ARMC3: variants seen among roughly 807,000 people sequenced by gnomAD.
ARMC3 encodes armadillo repeat-containing protein 3.
ARMC3 carries 74 observed loss-of-function variants against 90.3 expected under a neutral mutation model. The observed-to-expected ratio is 0.82, with a 90% CI of 0.68 to 0.99. The LOEUF is 0.99. Ranked by LOEUF, ARMC3 falls within the 50% of genes least tolerant of loss-of-function variation. The probability of loss-of-function intolerance (pLI) is 0.00; values close to 1 mark genes in which losing one functional copy is unlikely to be tolerated. For missense variants in ARMC3, 958 were observed against 1,042.8 expected (o/e 0.92, Z 1.12); for synonymous variants, 334 against 361.8 (o/e 0.92, Z 0.87).
chr10:22,931,221 C>T (rs1450743130), intron 1 of ARMC3, among the ~76,000 whole-genome samples: 2 of 152,212 alleles, frequency 1.3e-5, no homozygotes, highest in African/African-American at 2.4e-5. Context: ...GCCACCTGCC[C>T]GGCCTGAAAA....
intron 8 of ARMC3, among the ~76,000 whole-genome samples, chr10:22,980,891 TCTC>T (rs1461003847): frequency 1.3e-5 from 2 of 152,224 alleles, no homozygotes. Flanking sequence ...CCTCTGCTCT[TCTC>T]CTGAAGGTCG....
At chr10:23,021,121 C>T (rs542499226) in intron 16 of ARMC3, among the ~76,000 whole-genome samples, 73 of 152,294 alleles carry the variant, frequency 4.8e-4, no homozygotes, top group African/African-American at 1.6e-3. Context: ...GCTGCATCCA[C>T]GCTGCTGGAA....
At chr10:23,010,977 C>T (rs1033701919) in intron 16 of ARMC3, among the ~76,000 whole-genome samples, 69 of 93,642 alleles carry the variant, frequency 7.4e-4, no homozygotes, top group Non-Finnish European at 1.1e-3. Flanking sequence ...TCCCTCTTCT[C>T]TCCTTCCCTT....
rs1837783805 is a variant in ARMC3, at chr10:23,008,949, G to T, written c.2045+18G>T. ...GGATGGAGGTAAGAAAGTGTCCTGA[G>T]TTCCTCATTACCCAGCCAGGCTGGT... On this transcript the variant is annotated intron_variant, in intron 16 of 18. Transcript: ENST00000298032. 2 of 1,602,532 alleles carry T rather than the reference G, an allele frequency of 1.2e-6. No individual in the cohort carries two copies. Among genetic ancestry groups the T allele is most frequent in the East Asian group, 4.5e-5 (2 of 44,714 alleles).
chr10:23,004,369 A>G (rs910096233), intron 13 of ARMC3, among the ~76,000 whole-genome samples: 2 of 152,134 alleles, frequency 1.3e-5, no homozygotes. Context: ...CAGACTTCAA[A>G]CAATTTTAAG....
intron 8 of ARMC3, among the ~76,000 whole-genome samples, chr10:22,978,471 C>T (rs1189485315): frequency 6.6e-6 from 1 of 152,142 alleles, no homozygotes; most frequent in Non-Finnish European, 1.5e-5. Flanking sequence ...TGTTCCCTCC[C>T]ACAACATGTG....
In ARMC3 at chr10:22,932,024, G is replaced by A; in HGVS notation, c.28G>A (p.Glu10Lys). The A allele has an allele frequency of 3.1e-6, 5 of 1,604,402 alleles. No individual in the cohort carries two copies. Among genetic ancestry groups the A allele is most frequent in the South Asian group, 1.1e-5 (1 of 88,978 alleles). Reference protein sequence around the residue: MGKKIKKEVEPPPKDVFDPL... With the variant: MGKKIKKEVKPPPKDVFDPL... ...GGGTAAAAAGATAAAGAAGGAAGTA[G>A]AGCCTCCTCCTAAGGATGTGGTAAG... Residue 10 changes from glutamate to lysine, a missense_variant, in exon 2 of 19, where the codon GAG becomes AAG. By Grantham distance (56) the Glu-to-Lys change is moderately conservative (BLOSUM62 1). Coordinates refer to ENST00000298032, the MANE Select transcript of ARMC3 (RefSeq NM_173081.5).
At chr10:22,933,896 C>A (rs1372512512) in intron 2 of ARMC3, among the ~76,000 whole-genome samples, 1 of 151,902 alleles carries the variant, frequency 6.6e-6, no homozygotes, top group Non-Finnish European at 1.5e-5. Flanking sequence ...AAAAACAAAC[C>A]AACCAACCAA....
intron 8 of ARMC3, among the ~76,000 whole-genome samples, chr10:22,980,047 G>A (rs963072088): frequency 1.3e-5 from 2 of 152,096 alleles, no homozygotes; most frequent in Non-Finnish European, 2.9e-5. Flanking sequence ...CATCGTTGAA[G>A]GAAGGGAGAA....
At chr10:22,950,533 C>T (rs956985882) in intron 3 of ARMC3, among the ~76,000 whole-genome samples, 3 of 151,586 alleles carry the variant, frequency 2.0e-5, no homozygotes, top group Non-Finnish European at 2.9e-5. Flanking sequence ...GTAATATTCA[C>T]AGAATACATA....
chr10:23,021,551 T>C (rs1264798654), intron 16 of ARMC3, among the ~76,000 whole-genome samples: 2 of 152,222 alleles, frequency 1.3e-5, no homozygotes, highest in African/African-American at 4.8e-5. Context: ...TGGTTTTGAT[T>C]TGTATTTCTG....
chr10:22,959,327 A>T, intron 5 of ARMC3, 72 bp from the exon 6 acceptor site: 2 of 1,469,050 alleles, frequency 1.4e-6, no homozygotes. Flanking sequence ...TTTGGTTTCC[A>T]AAGCATATTT....
intron 2 of ARMC3, among the ~76,000 whole-genome samples, chr10:22,943,825 C>G (rs1315903954): frequency 6.6e-6 from 1 of 151,650 alleles, no homozygotes; most frequent in East Asian, 1.9e-4. Context: ...CCCAGCTACT[C>G]AGGAGGCTGA....
intron 11 of ARMC3, among the ~76,000 whole-genome samples, chr10:23,001,220 A>G (rs1837271906): frequency 6.6e-6 from 1 of 152,172 alleles, no homozygotes; most frequent in African/African-American, 2.4e-5. Context: ...CACTGTAACA[A>G]ATGACCATCA....
intron 8 of ARMC3, among the ~76,000 whole-genome samples, chr10:22,977,248 G>C (rs192533809): frequency 3.5e-4 from 53 of 152,254 alleles, no homozygotes; most frequent in Admixed American, 3.5e-3. Flanking sequence ...CTGTCCTTAA[G>C]AAATTAAAAA....
chr10:22,999,731 C>G (rs1158035347), intron 11 of ARMC3, among the ~76,000 whole-genome samples: 1 of 152,174 alleles, frequency 6.6e-6, no homozygotes, highest in African/African-American at 2.4e-5. Context: ...GGGTCCAGAG[C>G]CCAAGTTTCA....
At chr10:23,035,105 C>G (rs12773226) in intron 18 of ARMC3, among the ~76,000 whole-genome samples, 18,072 of 152,162 alleles carry the variant, frequency 0.12, 1,542 homozygotes, top group African/African-American at 0.24. Context: ...TCAGTGTCTA[C>G]TGAGGGCTCC....
chr10:23,033,636 T>C (rs1329143186), intron 18 of ARMC3, among the ~76,000 whole-genome samples: 2 of 152,190 alleles, frequency 1.3e-5, no homozygotes, highest in Non-Finnish European at 2.9e-5. Flanking sequence ...CATTATTTTA[T>C]TACCCTAAAA....
At chr10:22,956,072 CAG>C in intron 4 of ARMC3, 140 bp downstream of exon 4, 2 of 776,460 alleles carry the variant, frequency 2.6e-6, no homozygotes, top group South Asian at 2.5e-5. Context: ...CAGTATAATG[CAG>C]CAAATGTGTG....
Sources: allele counts gnomAD v4.1 joint callset (sites outside exome capture counted in the v4.1 genomes callset), GRCh38; gene constraint gnomAD v4.1.1; transcripts MANE v1.5; gene names NCBI Gene and HGNC (gene_info 2026-07-23, HGNC 2026-07-21).